ABCB10: variants seen among roughly 807,000 people sequenced by gnomAD.
The protein encoded by ABCB10 is ATP binding cassette subfamily B member 10.
Under a neutral mutation model 65.4 loss-of-function variants are expected in ABCB10, and 54 were observed. The ratio of observed to expected loss-of-function variants is 0.83; its 90% CI spans 0.66 to 1.04. The LOEUF is 1.04. Ranked by LOEUF, ABCB10 falls within the 50% of genes least tolerant of loss-of-function variation. The pLI, the probability that ABCB10 is intolerant of heterozygous loss-of-function variation, is 0.00. For synonymous variants in ABCB10, 418 were observed against 406.5 expected (o/e 1.03, Z -0.34); for missense variants, 846 against 976.6 (o/e 0.87, Z 1.78).
intron 6 of ABCB10, among the ~76,000 whole-genome samples, chr1:229,534,793 C>G (rs1034925619): frequency 1.4e-5 from 2 of 147,544 alleles, no homozygotes; most frequent in African/African-American, 5.0e-5. Context: ...ATCGCTTGAA[C>G]CTGGGGGGGT....
intron 1 of ABCB10, among the ~76,000 whole-genome samples, chr1:229,553,869 A>G (rs1663178290): frequency 6.6e-6 from 1 of 152,080 alleles, no homozygotes; most frequent in South Asian, 2.1e-4. Flanking sequence ...GGCAATAGAA[A>G]CAATCCCTCC....
intron 3 of ABCB10, among the ~76,000 whole-genome samples, chr1:229,546,966 CAT>C (rs886316295): frequency 2.6e-5 from 4 of 152,148 alleles, no homozygotes; most frequent in African/African-American, 9.7e-5. Context: ...ATTAAAATCA[CAT>C]ATGTGGCTTG....
rs1178909226 is a variant in ABCB10, at chr1:229,517,478, A to G, written c.*701T>C. The G allele has an allele frequency of 1.3e-5, 2 of 152,234 alleles. No homozygotes were observed. Among genetic ancestry groups the G allele is most frequent in the Non-Finnish European group, 2.9e-5 (2 of 68,032 alleles). The allele number at this position is 152,234 out of a possible 1,614,324, so 9.4% of individuals were successfully genotyped here. ...ATACAAACATGTGAATTTAAAAAACATGTTTTCCTGTTCAAAAAATAAAGC... is the reference window on the plus strand; with the variant it reads ...ATACAAACATGTGAATTTAAAAAACGTGTTTTCCTGTTCAAAAAATAAAGC... On this transcript the variant is annotated 3_prime_UTR_variant, in exon 13 of 13. Transcript: ENST00000344517.
chr1:229,522,845 G>C (rs1026464095), intron 10 of ABCB10, among the ~76,000 whole-genome samples: 8 of 140,764 alleles, frequency 5.7e-5, no homozygotes, highest in African/African-American at 8.4e-5. Context: ...CCACATTATA[G>C]CAATTCTTTT....
Position 229,558,101 on chromosome 1 carries a change from G to A in ABCB10, c.517+35C>T, listed in dbSNP as rs1015584402. The A allele has an allele frequency of 8.3e-6, 11 of 1,327,262 alleles. No homozygotes were observed. The African/African-American group carries it at 9.3e-5, about 11-fold the overall frequency. 82.2% of individuals were successfully genotyped at this position (1,327,262 alleles called of 1,614,324 possible). On this transcript the variant is annotated intron_variant, in intron 1 of 12. Transcript: ENST00000344517. ...GGACCCCGCGTGTGGAGAAGGAGAG[G>A]CCCGGCGGAGGGAAGTGGCCGGGGA...
Position 229,539,525 on chromosome 1 carries a change from C to A in ABCB10, c.1270G>T (p.Ala424Ser). 6.2e-7 allele frequency: 1 copy of A among 1,614,022 alleles called. No individual in the cohort carries two copies. The highest frequency in any genetic ancestry group is 2.2e-5 in the East Asian group (1 of 44,884). ...LYKGGLLMGS[A>S]HMTVGELSSF... The stretch of plus-strand genomic sequence containing the variant: ...GAGAGTTCACCCACGGTCATGTGGG[C>A]ACTGCCCATCAGCAGCCCTCCTTTG... Residue 424 changes from alanine (A) to serine (S), a missense_variant, in exon 6 of 13, where the codon GCC (alanine) becomes TCC (serine). This residue lies in a region of ABCB10 where 632 missense variants were observed against 803.2 expected (regional missense o/e 0.79). Coordinates refer to ENST00000344517, the MANE Select transcript of ABCB10 (RefSeq NM_012089.3).
intron 11 of ABCB10, 47 bp downstream of exon 11, chr1:229,521,544 TA>T (rs758476301): frequency 2.6e-6 from 4 of 1,538,632 alleles, no homozygotes; most frequent in Non-Finnish European, 3.5e-6. Context: ...AGGTCCCTAA[TA>T]AAAATAATCC....
At chr1:229,526,701 A>C (rs1410012655) in intron 9 of ABCB10, among the ~76,000 whole-genome samples, 3 of 152,208 alleles carry the variant, frequency 2.0e-5, no homozygotes, top group African/African-American at 7.2e-5. Flanking sequence ...TGGTAATAAA[A>C]ATTAAAACAG....
intron 3 of ABCB10, 45 bp downstream of exon 3, chr1:229,547,454 C>A: frequency 1.2e-6 from 2 of 1,606,882 alleles, no homozygotes; most frequent in Non-Finnish European, 1.7e-6. Flanking sequence ...CTGGTGCAAG[C>A]CAAGCCCTGG....
intron 1 of ABCB10, 151 bp downstream of exon 1, chr1:229,557,985 A>T: frequency 1.2e-6 from 1 of 842,938 alleles, no homozygotes; most frequent in Non-Finnish European, 1.6e-6. Flanking sequence ...GAGGTGAGCG[A>T]TCCCCTCCCT....
intron 9 of ABCB10, 61 bp downstream of exon 9, chr1:229,527,168 A>G: frequency 6.8e-7 from 1 of 1,461,606 alleles, no homozygotes. Context: ...AAAAAAAAAA[A>G]GCAAAAGACA....
Position 229,518,894 on chromosome 1 carries a change from G to A in ABCB10, c.1951-19C>T, listed in dbSNP as rs764255765. 3.8e-6 allele frequency: 6 copies of A among 1,566,056 alleles called. No individual in the cohort carries two copies. The highest frequency in any genetic ancestry group is 1.9e-4 in the Middle Eastern group (1 of 5,248). On this transcript the variant is annotated intron_variant, in intron 11 of 12. Coordinates refer to ENST00000344517, the MANE Select transcript of ABCB10 (RefSeq NM_012089.3). ...TGGGATTCTGAAGAAGGAAAAAAAA[G>A]GAAAAGATAAAATAATTTTATTGGA...
At chr1:229,542,946 C>A (rs766237553) in intron 3 of ABCB10, among the ~76,000 whole-genome samples, 2 of 152,006 alleles carry the variant, frequency 1.3e-5, no homozygotes, top group East Asian at 3.9e-4. Context: ...GCCTGACCAA[C>A]GTGGTGAAAC....
chr1:229,528,261 G>A (rs1216012881), intron 8 of ABCB10, among the ~76,000 whole-genome samples: 1 of 151,968 alleles, frequency 6.6e-6, no homozygotes, highest in Non-Finnish European at 1.5e-5. Flanking sequence ...TCATTGTGAT[G>A]AAGAAACTAG....
intron 1 of ABCB10, among the ~76,000 whole-genome samples, chr1:229,557,158 C>G (rs1248018512): frequency 6.6e-6 from 1 of 152,180 alleles, no homozygotes; most frequent in African/African-American, 2.4e-5. Context: ...AAATCACTAC[C>G]CAGGAGGGTC....
intron 2 of ABCB10, 46 bp from the exon 3 acceptor site, chr1:229,547,747 A>T: frequency 6.3e-7 from 1 of 1,586,616 alleles, no homozygotes; most frequent in Non-Finnish European, 8.7e-7. Context: ...AAAGACATCC[A>T]TTACCATTAT....
chr1:229,554,906 G>T (rs971847384), intron 1 of ABCB10, among the ~76,000 whole-genome samples: 47 of 152,180 alleles, frequency 3.1e-4, no homozygotes, highest in African/African-American at 1.1e-3. Context: ...GTCACTCACG[G>T]CCCATCTTCA....
intron 3 of ABCB10, 113 bp downstream of exon 3, chr1:229,547,386 A>T: frequency 2.4e-6 from 3 of 1,237,236 alleles, no homozygotes; most frequent in Non-Finnish European, 3.4e-6. Context: ...TTTTGGCTCT[A>T]GGCACTTACA....
chr1:229,547,684 T>C lies in ABCB10; in HGVS notation c.736A>G (p.Arg246Gly). ...MQTSGQRIVN[R>G]LRTSLFSSIL... ...GAGGAGAATAATGAAGTTCTCAGCC[T>C]ATTCACAATGCGCTGACCTGCAAAA... Residue 246 changes from arginine to glycine, a missense_variant, in exon 3 of 13, where the codon AGG (arginine) becomes GGG (glycine). Around this residue, in one of 2 missense-constraint regions of ABCB10, gnomAD observed 632 missense variants for 803.2 expected, o/e 0.79. Transcript: ENST00000344517. 3 of 1,614,160 alleles carry C rather than the reference T, an allele frequency of 1.9e-6. No individual in the cohort carries two copies. Among genetic ancestry groups the C allele is most frequent in the Non-Finnish European group, 2.5e-6 (3 of 1,180,016 alleles).
Sources: gnomAD v4.1 joint callset for allele counts (sites outside exome capture counted in the v4.1 genomes callset) on GRCh38, gnomAD v4.1.1 for gene constraint, gnomAD v4.1.1 regional missense constraint, MANE v1.5 for transcripts, NCBI Gene and HGNC (gene_info 2026-07-23, HGNC 2026-07-21) for gene names.